Variants in NRF1 observed in about 807,000 individuals in gnomAD.
The protein encoded by NRF1 is alpha palindromic-binding protein.
NRF1 carries 5 observed loss-of-function variants against 58.5 expected under a neutral mutation model. That is an observed-to-expected ratio of 0.09 (90% CI 0.04 to 0.18). NRF1 has a LOEUF of 0.18. NRF1 is among the 10% of genes least tolerant of loss of function. The pLI is 1.00. For missense variants in NRF1, 288 were observed against 657.7 expected (o/e 0.44, Z 6.15); for synonymous variants, 224 against 246.7 (o/e 0.91, Z 0.86).
At chr7:129,707,493 A>G (rs1802978556) in intron 5 of NRF1, among the ~76,000 whole-genome samples, 1 of 152,222 alleles carries the variant, frequency 6.6e-6, no homozygotes, top group Non-Finnish European at 1.5e-5. Flanking sequence ...GAAGTATAAA[A>G]TATTGTGTGT....
At chr7:129,711,816 AT>A (rs1803080897) in intron 8 of NRF1, among the ~76,000 whole-genome samples, 1 of 152,192 alleles carries the variant, frequency 6.6e-6, no homozygotes, top group South Asian at 2.1e-4. Flanking sequence ...AATGTATAGC[AT>A]TTGGTATTAT....
At chr7:129,685,579 G>A (rs1394522819) in intron 4 of NRF1, among the ~76,000 whole-genome samples, 1 of 79,226 alleles carries the variant, frequency 1.3e-5, no homozygotes, top group African/African-American at 2.9e-5. Flanking sequence ...GTGTGTGTGT[G>A]TGTGTGTGTG....
chr7:129,621,255 T>C (rs1408221648), intron 1 of NRF1, among the ~76,000 whole-genome samples: 1 of 152,166 alleles, frequency 6.6e-6, no homozygotes, highest in African/African-American at 2.4e-5. Context: ...AATAAATTAA[T>C]GCCACTTGGG....
chr7:129,637,950 G>A lies in NRF1; in HGVS notation c.-6-19396G>A, dbSNP rs74303273. ...TGTGGCCCAAGACAATTCTTCCAACGTGGCCTGGGGAAGCCAGAAGATTGG... is the reference window on the plus strand; with the variant it reads ...TGTGGCCCAAGACAATTCTTCCAACATGGCCTGGGGAAGCCAGAAGATTGG... On this transcript the variant is annotated intron_variant, in intron 1 of 10. Transcript: ENST00000393232. 4.0e-3 allele frequency among the ~76,000 whole-genome samples: 599 copies of A among 151,454 alleles called. 9 individuals carry two copies. The highest frequency in any genetic ancestry group is 4.6e-3 in the East Asian group (24 of 5,162).
At chr7:129,731,768 G>T (rs188309188) in intron 10 of NRF1, among the ~76,000 whole-genome samples, 1 of 151,992 alleles carries the variant, frequency 6.6e-6, no homozygotes, top group African/African-American at 2.4e-5. Flanking sequence ...GCCACACCGC[G>T]CTAATTTTTT....
chr7:129,619,431 T>TACACAC (rs1188708134), intron 1 of NRF1, among the ~76,000 whole-genome samples: 17 of 71,530 alleles, frequency 2.4e-4, no homozygotes, highest in African/African-American at 1.1e-3. Flanking sequence ...TATATATATA[T>TACACAC]ATACACACAC....
chr7:129,665,144 A>C (rs1196632357), intron 2 of NRF1, among the ~76,000 whole-genome samples: 1 of 152,234 alleles, frequency 6.6e-6, no homozygotes, highest in Non-Finnish European at 1.5e-5. Context: ...TTTCAGACTG[A>C]GAAACACTGA....
At chr7:129,630,609 A>G (rs1801026723) in intron 1 of NRF1, among the ~76,000 whole-genome samples, 1 of 152,138 alleles carries the variant, frequency 6.6e-6, no homozygotes, top group African/African-American at 2.4e-5. Context: ...TCTAAGTAAT[A>G]TGTTGGGCTT....
At chr7:129,738,423 C>T (rs1039256307) in intron 10 of NRF1, among the ~76,000 whole-genome samples, 1 of 152,174 alleles carries the variant, frequency 6.6e-6, no homozygotes, top group Admixed American at 6.5e-5. Context: ...TTCCACACGC[C>T]CCCCTGGGAA....
At chr7:129,695,057 C>G (rs1802655768) in intron 5 of NRF1, among the ~76,000 whole-genome samples, 1 of 152,058 alleles carries the variant, frequency 6.6e-6, no homozygotes, top group African/African-American at 2.4e-5. Flanking sequence ...CTCTTTATTG[C>G]AGTGAATTAT....
chr7:129,692,373 T>G (rs1802590554), intron 5 of NRF1, among the ~76,000 whole-genome samples: 1 of 151,916 alleles, frequency 6.6e-6, no homozygotes, highest in Non-Finnish European at 1.5e-5. Context: ...AGGCTGGTAT[T>G]TTTTTTGTCT....
intron 5 of NRF1, among the ~76,000 whole-genome samples, chr7:129,699,463 C>G (rs947939056): frequency 6.6e-6 from 1 of 151,904 alleles, no homozygotes; most frequent in Non-Finnish European, 1.5e-5. Context: ...CCTGTAATAC[C>G]AACACTTTAG....
chr7:129,727,658 G>C (rs1803479400), intron 10 of NRF1, among the ~76,000 whole-genome samples: 3 of 152,322 alleles, frequency 2.0e-5, no homozygotes, highest in Admixed American at 2.0e-4. Flanking sequence ...AAAATTCACT[G>C]TGAGCCACAT....
At chr7:129,663,042 A>AG (rs1246604298) in intron 2 of NRF1, among the ~76,000 whole-genome samples, 39 of 152,260 alleles carry the variant, frequency 2.6e-4, no homozygotes, top group Non-Finnish European at 4.6e-4. Context: ...GAGTGGACAC[A>AG]GCACATGTTT....
chr7:129,716,293 G>T (rs1459790735), intron 8 of NRF1, among the ~76,000 whole-genome samples: 1 of 152,042 alleles, frequency 6.6e-6, no homozygotes, highest in East Asian at 1.9e-4. Flanking sequence ...TGGAAATATT[G>T]TATAATGATA....
At chr7:129,653,992 C>T (rs73470442) in intron 1 of NRF1, among the ~76,000 whole-genome samples, 2,457 of 152,234 alleles carry the variant, frequency 0.016, 63 homozygotes, top group African/African-American at 0.053. Context: ...AATACAAAGG[C>T]GTGTAATTGC....
intron 8 of NRF1, among the ~76,000 whole-genome samples, chr7:129,713,914 G>T (rs1803132381): frequency 6.6e-6 from 1 of 152,226 alleles, no homozygotes. Context: ...ATTGACTTGT[G>T]AAAGCATGGA....
intron 1 of NRF1, among the ~76,000 whole-genome samples, chr7:129,641,512 T>C (rs1411307934): frequency 6.6e-6 from 1 of 152,158 alleles, no homozygotes; most frequent in Non-Finnish European, 1.5e-5. Flanking sequence ...CCACCAAGTA[T>C]TGTGTGCTTT....
At chr7:129,687,697 A>G (rs1274607454) in intron 4 of NRF1, among the ~76,000 whole-genome samples, 1 of 152,222 alleles carries the variant, frequency 6.6e-6, no homozygotes, top group Non-Finnish European at 1.5e-5. Context: ...GATAGCAAAC[A>G]TGTTCACATG....
Sources: gnomAD v4.1 joint callset for allele counts (sites outside exome capture counted in the v4.1 genomes callset) on GRCh38, gnomAD v4.1.1 for gene constraint, MANE v1.5 for transcripts, NCBI Gene and HGNC (gene_info 2026-07-23, HGNC 2026-07-21) for gene names.